The following TDRD10 variants were observed in gnomAD, a reference collection of about 807,000 sequenced individuals.
The protein encoded by TDRD10 is tudor domain containing 10.
A neutral mutation model predicts 48.0 loss-of-function variants in TDRD10; 40 were observed. The observed-to-expected ratio is 0.83, with a 90% CI of 0.65 to 1.09. The LOEUF is 1.09. Ranked by LOEUF, TDRD10 falls within the 50% of genes least tolerant of loss-of-function variation. TDRD10 has a pLI of 0.00. For missense variants in TDRD10, 378 were observed against 434.7 expected, an observed-to-expected ratio of 0.87 and a Z score of 1.16; for synonymous variants, 162 against 170.4, an observed-to-expected ratio of 0.95 and a Z score of 0.38.
At chr1:154,520,189 C>G (rs1693984853) in intron 4 of TDRD10, 115 bp from the exon 5 acceptor site, 1 of 734,900 alleles carries the variant, frequency 1.4e-6, no homozygotes, top group Non-Finnish European at 2.4e-6. Flanking sequence ...ATAATAGATC[C>G]TCATTAAGTA....
chr1:154,533,407 T>G lies in TDRD10; in HGVS notation c.370-8617T>G, dbSNP rs534254077. 4.6e-5 allele frequency among the ~76,000 whole-genome samples: 7 copies of G among 150,942 alleles called. No homozygotes were observed. In the East Asian group the frequency reaches 1.4e-3, roughly 29 times the overall value. The stretch of plus-strand genomic sequence containing the variant: ...TGGTGTTTCTGGGTTGCTGGCCTCT[T>G]CAATTCTAAGTTTGGAATATATAAA... On this transcript the variant is annotated intron_variant, in intron 6 of 12. Coordinates refer to ENST00000368482, the MANE Select transcript of TDRD10 (RefSeq NM_182499.4).
At chr1:154,546,501 ATATATT>A (rs1215979492) in intron 11 of TDRD10, among the ~76,000 whole-genome samples, 4 of 148,534 alleles carry the variant, frequency 2.7e-5, no homozygotes, top group Non-Finnish European at 4.5e-5. Flanking sequence ...TATATAATAT[ATATATT>A]TAAAGATGGA....
At chr1:154,510,904 G>A (rs1407864379) in intron 4 of TDRD10, among the ~76,000 whole-genome samples, 3 of 151,482 alleles carry the variant, frequency 2.0e-5, no homozygotes, top group Admixed American at 1.3e-4. Context: ...AAATTAGCGG[G>A]GCATGGTGGT....
intron 8 of TDRD10, 42 bp from the exon 9 acceptor site, chr1:154,543,921 G>T: frequency 6.2e-7 from 1 of 1,609,766 alleles, no homozygotes; most frequent in African/African-American, 1.3e-5. Flanking sequence ...CCTTGCGTTG[G>T]TCCAGTCGTT....
intron 6 of TDRD10, among the ~76,000 whole-genome samples, chr1:154,524,150 C>T (rs2149329625): frequency 6.6e-6 from 1 of 152,116 alleles, no homozygotes; most frequent in East Asian, 1.9e-4. Flanking sequence ...GTAAAATTTT[C>T]AGGCCCCTTT....
At chr1:154,544,175 C>T in intron 9 of TDRD10, 65 bp downstream of exon 9, 1 of 1,609,274 alleles carries the variant, frequency 6.2e-7, no homozygotes, top group Admixed American at 1.7e-5. Flanking sequence ...CTAGGGTGGG[C>T]ATGGTGACGG....
intron 6 of TDRD10, among the ~76,000 whole-genome samples, chr1:154,533,152 G>GT (rs1365525118): frequency 6.6e-6 from 1 of 152,158 alleles, no homozygotes; most frequent in Non-Finnish European, 1.5e-5. Flanking sequence ...CACCATCAGG[G>GT]TGGGGGTATT....
chr1:154,540,964 T>C (rs73023349), intron 6 of TDRD10, among the ~76,000 whole-genome samples: 28,881 of 152,154 alleles, frequency 0.19, 2,972 homozygotes, highest in South Asian at 0.23. Context: ...GATTTGGCAG[T>C]GTGACTGTTC....
At chr1:154,510,773 G>A (rs1046521392) in intron 4 of TDRD10, among the ~76,000 whole-genome samples, 3 of 151,868 alleles carry the variant, frequency 2.0e-5, no homozygotes, top group Non-Finnish European at 2.9e-5. Flanking sequence ...CAGGCCAGGC[G>A]CGGTGGCTCA....
intron 6 of TDRD10, among the ~76,000 whole-genome samples, chr1:154,541,677 G>A (rs962732623): frequency 6.6e-6 from 1 of 152,158 alleles, no homozygotes; most frequent in African/African-American, 2.4e-5. Flanking sequence ...CTCCCTGCAG[G>A]TAGTGCCAGC....
intron 6 of TDRD10, among the ~76,000 whole-genome samples, chr1:154,530,398 CTT>C (rs111392341): frequency 3.4e-4 from 41 of 120,752 alleles, no homozygotes; most frequent in Admixed American, 2.8e-3. Flanking sequence ...TGGTTTCCTT[CTT>C]TTTTTTTTTT....
chr1:154,507,170 T>C (rs2149310387), intron 2 of TDRD10, 71 bp from the exon 3 acceptor site: 1 of 1,488,072 alleles, frequency 6.7e-7, no homozygotes. Context: ...CCCCTCTGCT[T>C]ATGCCTGACA....
intron 6 of TDRD10, among the ~76,000 whole-genome samples, chr1:154,536,864 T>C (rs60368585): frequency 0.19 from 29,055 of 152,182 alleles, 3,035 homozygotes; most frequent in South Asian, 0.23. Context: ...CCAAGTGATA[T>C]TCTGTTGTAT....
At chr1:154,540,333 T>C (rs2149349414) in intron 6 of TDRD10, among the ~76,000 whole-genome samples, 1 of 151,750 alleles carries the variant, frequency 6.6e-6, no homozygotes, top group Non-Finnish European at 1.5e-5. Context: ...GAATTTGACG[T>C]AGGGAGCTTG....
chr1:154,524,852 C>T (rs1694231083), intron 6 of TDRD10, among the ~76,000 whole-genome samples: 1 of 152,116 alleles, frequency 6.6e-6, no homozygotes, highest in Non-Finnish European at 1.5e-5. Context: ...TTAAGGCCTC[C>T]CGGTACTTGT....
intron 6 of TDRD10, among the ~76,000 whole-genome samples, chr1:154,533,887 A>T (rs1167360674): frequency 3.0e-5 from 2 of 66,346 alleles, no homozygotes; most frequent in African/African-American, 8.5e-5. Context: ...ATATATATAT[A>T]TATATATTTT....
chr1:154,519,526 G>A (rs999093177), intron 4 of TDRD10, among the ~76,000 whole-genome samples: 4 of 152,150 alleles, frequency 2.6e-5, no homozygotes, highest in Non-Finnish European at 5.9e-5. Context: ...TGAACCTGAA[G>A]TGAAGCCATC....
intron 6 of TDRD10, among the ~76,000 whole-genome samples, chr1:154,540,019 G>A (rs61811362): frequency 0.12 from 18,502 of 152,212 alleles, 1,412 homozygotes; most frequent in South Asian, 0.18. Flanking sequence ...TCACTGGGAA[G>A]GGGCATCCAT....
intron 4 of TDRD10, 28 bp from the exon 5 acceptor site, chr1:154,520,274 GTC>G: frequency 4.6e-6 from 7 of 1,537,312 alleles, no homozygotes; most frequent in Middle Eastern, 1.7e-4. Context: ...ATGTCTCTGG[GTC>G]TCTCTCTTTT....
Sources: allele counts gnomAD v4.1 joint callset (sites outside exome capture counted in the v4.1 genomes callset), GRCh38; gene constraint gnomAD v4.1.1; transcripts MANE v1.5; gene names NCBI Gene and HGNC (gene_info 2026-07-23, HGNC 2026-07-21).